The following TBC1D22A variants were observed in gnomAD, a reference collection of about 807,000 sequenced individuals.
TBC1D22A encodes putative GTPase activator.
In TBC1D22A, 38 loss-of-function variants were observed where a neutral mutation model predicts 60.2. That is an observed-to-expected ratio of 0.63 (90% CI 0.49 to 0.83). The LOEUF (loss-of-function observed/expected upper bound fraction) is 0.83, where lower values mean the gene tolerates loss of function less well. TBC1D22A is among the 40% of genes least tolerant of loss of function. The pLI is 0.00. For synonymous variants in TBC1D22A, 302 were observed against 281.7 expected (o/e 1.07, Z -0.72); for missense variants, 628 against 701.0 (o/e 0.90, Z 1.18).
intron 4 of TBC1D22A, among the ~76,000 whole-genome samples, chr22:46,846,207 A>G (rs529714924): frequency 6.6e-6 from 1 of 152,276 alleles, no homozygotes; most frequent in East Asian, 1.9e-4. Flanking sequence ...CACATATACC[A>G]TGATGTGGTT....
At chr22:46,864,269 G>C (rs1569147139) in intron 4 of TBC1D22A, among the ~76,000 whole-genome samples, 1 of 152,214 alleles carries the variant, frequency 6.6e-6, no homozygotes, top group African/African-American at 2.4e-5. Context: ...GAGAAAAGCT[G>C]CCAGGCAACA....
chr22:46,800,620 G>A (rs1300094180), intron 4 of TBC1D22A, among the ~76,000 whole-genome samples: 5 of 152,152 alleles, frequency 3.3e-5, no homozygotes, highest in Admixed American at 2.0e-4. Context: ...TCTTGTTTGC[G>A]TGATAGACAT....
At chr22:46,992,059 A>C (rs887774914) in intron 9 of TBC1D22A, among the ~76,000 whole-genome samples, 2 of 152,230 alleles carry the variant, frequency 1.3e-5, no homozygotes, top group African/African-American at 4.8e-5. Flanking sequence ...CTCAGCTGTC[A>C]GACTGTCATC....
intron 10 of TBC1D22A, among the ~76,000 whole-genome samples, chr22:47,033,420 C>T (rs913222756): frequency 3.9e-5 from 6 of 152,172 alleles, no homozygotes; most frequent in African/African-American, 1.2e-4. Flanking sequence ...GTCCATCTTC[C>T]GGTTACCTGT....
chr22:46,876,696 G>A (rs1468879722), intron 4 of TBC1D22A, among the ~76,000 whole-genome samples: 1 of 152,228 alleles, frequency 6.6e-6, no homozygotes, highest in African/African-American at 2.4e-5. Flanking sequence ...GCTTAAGTAG[G>A]CGCCTAGGCC....
chr22:46,832,001 A>G (rs2086329544), intron 4 of TBC1D22A, among the ~76,000 whole-genome samples: 1 of 152,222 alleles, frequency 6.6e-6, no homozygotes, highest in Admixed American at 6.5e-5. Context: ...GATAAAAGCC[A>G]TCAGTTGCAA....
intron 12 of TBC1D22A, among the ~76,000 whole-genome samples, chr22:47,154,458 CTT>C (rs1168430907): frequency 6.6e-6 from 1 of 152,186 alleles, no homozygotes; most frequent in East Asian, 1.9e-4. Flanking sequence ...AATTACGACT[CTT>C]TGACTGCAGT....
chr22:46,805,990 T>C (rs1371324911), intron 4 of TBC1D22A, among the ~76,000 whole-genome samples: 2 of 142,858 alleles, frequency 1.4e-5, no homozygotes, highest in Non-Finnish European at 3.1e-5. Flanking sequence ...GTAGCTGGGA[T>C]TACAGGCACC....
At chr22:47,092,755 C>T (rs1470145191) in intron 11 of TBC1D22A, among the ~76,000 whole-genome samples, 4 of 152,290 alleles carry the variant, frequency 2.6e-5, no homozygotes, top group Admixed American at 6.5e-5. Flanking sequence ...AGAGTTGAGG[C>T]TTTGACGTAT....
At chr22:46,873,992 A>G (rs1425300954) in intron 4 of TBC1D22A, among the ~76,000 whole-genome samples, 1 of 152,110 alleles carries the variant, frequency 6.6e-6, no homozygotes, top group Non-Finnish European at 1.5e-5. Flanking sequence ...TTGTATTTTT[A>G]GTAGAGACGG....
chr22:47,152,821 T>C (rs1286502791), intron 12 of TBC1D22A, among the ~76,000 whole-genome samples: 1 of 152,100 alleles, frequency 6.6e-6, no homozygotes, highest in Non-Finnish European at 1.5e-5. Flanking sequence ...CAGATGTCTG[T>C]GACCCTTCGG....
At chr22:47,052,860 A>G (rs2063272143) in intron 11 of TBC1D22A, among the ~76,000 whole-genome samples, 1 of 152,156 alleles carries the variant, frequency 6.6e-6, no homozygotes, top group Admixed American at 6.5e-5. Flanking sequence ...CTGTGTTGGC[A>G]CATCACTGCC....
intron 4 of TBC1D22A, among the ~76,000 whole-genome samples, chr22:46,812,326 C>T (rs545546558): frequency 1.3e-5 from 2 of 152,320 alleles, no homozygotes; most frequent in African/African-American, 4.8e-5. Context: ...GGCTTCTCTG[C>T]ACCCCCTGTG....
intron 12 of TBC1D22A, among the ~76,000 whole-genome samples, chr22:47,147,474 G>A (rs909749318): frequency 1.1e-4 from 17 of 152,184 alleles, no homozygotes; most frequent in Non-Finnish European, 2.4e-4. Flanking sequence ...CTCCCCAGGG[G>A]GCTGCGGTCC....
At chr22:47,032,619 G>A (rs962588052) in intron 10 of TBC1D22A, among the ~76,000 whole-genome samples, 1 of 152,254 alleles carries the variant, frequency 6.6e-6, no homozygotes, top group African/African-American at 2.4e-5. Flanking sequence ...TGATTAGCCT[G>A]TGACTGTCCC....
chr22:47,048,049 G>A (rs1366327009), intron 11 of TBC1D22A, among the ~76,000 whole-genome samples: 2 of 152,198 alleles, frequency 1.3e-5, no homozygotes, highest in Non-Finnish European at 2.9e-5. Flanking sequence ...GCCAGAACAG[G>A]GTCCCAATGG....
rs546952753 is a variant in TBC1D22A at position 46,775,265 on chromosome 22, G to A, written c.62+12417G>A. Among the ~76,000 whole-genome samples the A allele has an allele frequency of 2.0e-5, 3 of 152,352 alleles. No homozygotes were observed. In the East Asian group the frequency reaches 5.8e-4, roughly 29 times the overall value. ...GTTTTCACGTGAATGTGTTTGGGGC[G>A]GGAGGCTAGCGAGTTGCCTGGGACT... On this transcript the variant is annotated intron_variant, in intron 1 of 12. Transcript: ENST00000337137.
intron 4 of TBC1D22A, among the ~76,000 whole-genome samples, chr22:46,846,170 T>A (rs1029512206): frequency 6.6e-6 from 1 of 152,232 alleles, no homozygotes; most frequent in Non-Finnish European, 1.5e-5. Context: ...TTCTCCCCTC[T>A]CCTGTTACTC....
intron 7 of TBC1D22A, among the ~76,000 whole-genome samples, chr22:46,910,014 C>G (rs1163101839): frequency 6.6e-6 from 1 of 152,244 alleles, no homozygotes; most frequent in Non-Finnish European, 1.5e-5. Flanking sequence ...ATTTGCTAAG[C>G]TTTGGTACAT....
Sources: allele counts gnomAD v4.1 joint callset (sites outside exome capture counted in the v4.1 genomes callset), GRCh38; gene constraint gnomAD v4.1.1; transcripts MANE v1.5; gene names NCBI Gene and HGNC (gene_info 2026-07-23, HGNC 2026-07-21).